PSD3: variants seen among roughly 807,000 people sequenced by gnomAD.
PSD3 encodes the protein PH and SEC7 domain-containing protein 3.
A neutral mutation model predicts 105.5 loss-of-function variants in PSD3; 49 were observed. The ratio of observed to expected loss-of-function variants is 0.46; its 90% CI spans 0.37 to 0.59. The LOEUF is 0.59. Ranked by LOEUF, PSD3 falls within the 20% of genes least tolerant of loss-of-function variation. The pLI is 0.00. For missense variants in PSD3, 1,561 were observed against 1,263.8 expected (o/e 1.24, Z -3.57); for synonymous variants, 557 against 457.8 (o/e 1.22, Z -2.77).
At position 18,592,038 on chromosome 8, in the gene PSD3, G is replaced by A. The variant is rs373426722; in HGVS notation, c.2481+8326C>T. Among the ~76,000 whole-genome samples, 8 of 152,094 alleles carry A rather than the reference G, an allele frequency of 5.3e-5. No homozygotes were observed. In the East Asian group the frequency reaches 1.2e-3, roughly 22 times the overall value. ...CAGCTACAAGAGACAGAACAAACAG[G>A]AAAACATGGTTCAATGGAACAAAAT... On this transcript the variant is annotated intron_variant, in intron 12 of 15. Coordinates refer to ENST00000327040, the MANE Select transcript of PSD3 (RefSeq NM_015310.4).
Position 18,556,328 on chromosome 8 carries a change from T to C in PSD3, c.2809A>G (p.Ser937Gly). The C allele has an allele frequency of 1.2e-6, 2 of 1,613,438 alleles. No homozygotes were observed. Among genetic ancestry groups the C allele is most frequent in the African/African-American group, 1.3e-5 (1 of 74,978 alleles). ...TCGGTGGTGATCTGCTTCAGCTTAC[T>C]TTCATGTGACTTCAGTTGCTCCTCC... ...SQEEQLKSHE[S>G]KLKQITTELA... The change falls in exon 15 of 16, where the codon AGT (serine) becomes GGT (glycine). Residue 937 changes from serine (S) to glycine (G), a missense_variant. Coordinates refer to ENST00000327040, the MANE Select transcript of PSD3 (RefSeq NM_015310.4).
intron 10 of PSD3, among the ~76,000 whole-genome samples, chr8:18,654,858 T>C (rs1377506576): frequency 2.6e-5 from 4 of 152,112 alleles, no homozygotes; most frequent in South Asian, 2.1e-4. Context: ...TTAGTATCTA[T>C]CAGTGTCCTA....
intron 9 of PSD3, among the ~76,000 whole-genome samples, chr8:18,673,321 G>T (rs1323180929): frequency 6.6e-6 from 1 of 151,996 alleles, no homozygotes; most frequent in Non-Finnish European, 1.5e-5. Context: ...ATATTATTGT[G>T]ACTATATAGA....
intron 10 of PSD3, among the ~76,000 whole-genome samples, chr8:18,639,677 G>A (rs763712199): frequency 6.6e-6 from 1 of 152,112 alleles, no homozygotes; most frequent in African/African-American, 2.4e-5. Flanking sequence ...GCCTTCAGGA[G>A]GAAACAACCC....
At chr8:18,908,499 A>G (rs1019500182) in intron 2 of PSD3, among the ~76,000 whole-genome samples, 15 of 152,190 alleles carry the variant, frequency 9.9e-5, no homozygotes, top group African/African-American at 3.6e-4. Context: ...ACCTGGAAAA[A>G]GCCTCTGATT....
intron 15 of PSD3, 133 bp from the exon 16 acceptor site, chr8:18,536,091 A>T (rs995286397): frequency 2.4e-6 from 2 of 825,536 alleles, no homozygotes; most frequent in Non-Finnish European, 3.8e-6. Flanking sequence ...CAAACTGACA[A>T]ATTACTTGGG....
intron 15 of PSD3, among the ~76,000 whole-genome samples, chr8:18,543,789 C>A (rs1196921024): frequency 2.4e-4 from 37 of 152,084 alleles, no homozygotes; most frequent in Admixed American, 2.4e-3. Context: ...AAAATTACAA[C>A]TATTGATATT....
intron 12 of PSD3, among the ~76,000 whole-genome samples, chr8:18,590,871 G>A (rs1314160538): frequency 6.6e-6 from 1 of 151,992 alleles, no homozygotes; most frequent in Non-Finnish European, 1.5e-5. Flanking sequence ...AACCAAAAAT[G>A]TTTCTAAAAA....
At chr8:18,758,414 CTTTT>C (rs143280710) in intron 9 of PSD3, among the ~76,000 whole-genome samples, 1 of 135,106 alleles carries the variant, frequency 7.4e-6, no homozygotes, top group African/African-American at 2.7e-5. Context: ...CAGTTTTACT[CTTTT>C]TTTTTTTTTT....
chr8:18,989,455 G>A (rs1397961087), intron 1 of PSD3: 1 of 152,082 alleles, frequency 6.6e-6, no homozygotes. Flanking sequence ...ACATGTAGAA[G>A]AGCATCAAAG....
At chr8:18,910,588 G>A (rs1208315982) in intron 2 of PSD3, among the ~76,000 whole-genome samples, 7 of 116,282 alleles carry the variant, frequency 6.0e-5, no homozygotes, top group Admixed American at 2.0e-4. Flanking sequence ...GTATACATAT[G>A]TAACTAACCT....
rs149223650 is a variant in PSD3, at chr8:18,853,419, G to A, written c.1634+14255C>T. On this transcript the variant is annotated intron_variant, in intron 4 of 15. Coordinates refer to ENST00000327040, the MANE Select transcript of PSD3 (RefSeq NM_015310.4). ...TCTTGAAAATGGACATAATATCAAC[G>A]GACTAGGCTCAATTCCCCTTCTTTA... Among the ~76,000 whole-genome samples the A allele has an allele frequency of 4.1e-3, 628 of 152,026 alleles. 5 individuals carry two copies. Among genetic ancestry groups the A allele is most frequent in the South Asian group, 8.9e-3 (43 of 4,810 alleles).
chr8:18,935,961 T>C (rs892968154), intron 2 of PSD3, 73 bp downstream of exon 2: 13 of 916,162 alleles, frequency 1.4e-5, no homozygotes, highest in Middle Eastern at 2.2e-4. Flanking sequence ...GTAATGCAGG[T>C]GGAGAAAAAT....
chr8:19,013,708 G>T (rs921478035), upstream of PSD3: 7 of 848,602 alleles, frequency 8.2e-6, no homozygotes, highest in African/African-American at 5.4e-5. Flanking sequence ...ACTGCCGAGA[G>T]GCGGCGGCCC....
intron 8 of PSD3, among the ~76,000 whole-genome samples, chr8:18,769,827 T>TTAA (rs1204372101): frequency 1.3e-5 from 2 of 152,248 alleles, no homozygotes; most frequent in Admixed American, 1.3e-4. Context: ...GTCCTTTTAT[T>TTAA]TCTAAACAAC....
At chr8:18,742,341 A>G (rs1453086400) in intron 9 of PSD3, among the ~76,000 whole-genome samples, 3 of 152,196 alleles carry the variant, frequency 2.0e-5, no homozygotes, top group Non-Finnish European at 4.4e-5. Flanking sequence ...TAAATTTGCT[A>G]CGTAACCTGT....
chr8:18,582,235 C>G (rs532681430), intron 12 of PSD3, among the ~76,000 whole-genome samples: 1 of 152,164 alleles, frequency 6.6e-6, no homozygotes, highest in Non-Finnish European at 1.5e-5. Context: ...TCTGCATCCT[C>G]AACTCTCCAA....
intron 9 of PSD3, among the ~76,000 whole-genome samples, chr8:18,739,415 T>C (rs968439004): frequency 5.9e-5 from 9 of 152,170 alleles, no homozygotes; most frequent in Admixed American, 4.6e-4. Context: ...AAACAACACA[T>C]GTAAATACAG....
At chr8:18,785,055 A>G (rs1260601154) in intron 8 of PSD3, among the ~76,000 whole-genome samples, 1 of 152,130 alleles carries the variant, frequency 6.6e-6, no homozygotes, top group Non-Finnish European at 1.5e-5. Context: ...GGCTTGCCTC[A>G]TTAGAATAAA....
Sources: gnomAD v4.1 joint callset for allele counts (sites outside exome capture counted in the v4.1 genomes callset) on GRCh38, gnomAD v4.1.1 for gene constraint, MANE v1.5 for transcripts, NCBI Gene and HGNC (gene_info 2026-07-23, HGNC 2026-07-21) for gene names.